The following SLC30A5 variants were observed in gnomAD, a reference collection of about 807,000 sequenced individuals.
SLC30A5 encodes solute carrier family 30 member 5.
A neutral mutation model predicts 79.6 loss-of-function variants in SLC30A5; 33 were observed. The ratio of observed to expected loss-of-function variants is 0.41; its 90% CI spans 0.31 to 0.55. The LOEUF is 0.55. Among genes scored for constraint, SLC30A5 ranks in the 20% least tolerant of loss-of-function variants. The pLI is 0.20. For synonymous variants in SLC30A5, 299 were observed against 319.7 expected (o/e 0.94, Z 0.69); for missense variants, 788 against 928.1 (o/e 0.85, Z 1.96).
At chr5:69,125,870 C>CAAAAAAAAAAAAAAAAAAAAAAA (rs532994254) in intron 14 of SLC30A5, among the ~76,000 whole-genome samples, 30 of 54,196 alleles carry the variant, frequency 5.5e-4, no homozygotes, top group Middle Eastern at 0.01. Flanking sequence ...GACTCCGTCT[C>CAAAAAAAAAAAAAAAAAAAAAAA]AAAAAAAAAA....
chr5:69,104,690 T>C lies in SLC30A5; in HGVS notation c.333T>C (p.Phe111=), dbSNP rs1221310504. 3.8e-6 allele frequency: 6 copies of C among 1,594,192 alleles called. No homozygotes were observed. The highest frequency in any genetic ancestry group is 1.7e-6 in the Non-Finnish European group (2 of 1,172,988). The part of the protein sequence containing the change: ...AGCIISLLWF[F]GLTLCGPLRT... ...GTATTATTTCACTCTTGTGGTTTTT[T>C]GGCCTCACTCTTTGTGGACCACTAA... Residue 111 remains phenylalanine, a synonymous_variant, in exon 4 of 16, where the codon TTT becomes TTC. Coordinates refer to ENST00000396591, the MANE Select transcript of SLC30A5 (RefSeq NM_022902.5).
intron 6 of SLC30A5, 35 bp from the exon 7 acceptor site, chr5:69,114,385 T>A: frequency 7.4e-7 from 1 of 1,349,822 alleles, no homozygotes; most frequent in South Asian, 1.2e-5. Context: ...AGAGTGACTT[T>A]TTGGAATTTT....
At chr5:69,103,987 G>T in intron 3 of SLC30A5, 5 of 1,566,716 alleles carry the variant, frequency 3.2e-6, no homozygotes, top group Non-Finnish European at 4.4e-6. Flanking sequence ...AAAATTCCTG[G>T]TAGAAAAGAA....
chr5:69,100,548 A>T (rs1171413282), intron 1 of SLC30A5, among the ~76,000 whole-genome samples: 1 of 150,648 alleles, frequency 6.6e-6, no homozygotes, highest in Non-Finnish European at 1.5e-5. Context: ...AGGCTGGAGG[A>T]TCGCTTGACC....
intron 4 of SLC30A5, among the ~76,000 whole-genome samples, chr5:69,106,670 G>GC (rs776509861): frequency 6.6e-6 from 1 of 152,084 alleles, no homozygotes; most frequent in East Asian, 1.9e-4. Context: ...GCATGGTGCT[G>GC]CGTGCCTGTA....
chr5:69,125,953 G>A lies in SLC30A5; in HGVS notation c.1999-2051G>A, dbSNP rs185061037. 2.8e-3 allele frequency among the ~76,000 whole-genome samples: 428 copies of A among 150,716 alleles called. 4 individuals are homozygous for A. Among genetic ancestry groups the A allele is most frequent in the African/African-American group, 0.01 (414 of 40,858 alleles). Reference sequence around the variant, plus strand: ...AATCCCAACTACCTGAGTGGCTGAAGCATGAGAATCACTTCAACCCAGGAG... The same window carrying A: ...AATCCCAACTACCTGAGTGGCTGAAACATGAGAATCACTTCAACCCAGGAG... On this transcript the variant is annotated intron_variant, in intron 14 of 15. Coordinates refer to ENST00000396591, the MANE Select transcript of SLC30A5 (RefSeq NM_022902.5).
chr5:69,094,230 A>G lies in SLC30A5; in HGVS notation c.-26A>G. The G allele has an allele frequency of 1.7e-6, 2 of 1,145,526 alleles. No individual in the cohort carries two copies. The highest frequency in any genetic ancestry group is 1.1e-6 in the Non-Finnish European group (1 of 891,890). The allele number at this position is 1,145,526 out of a possible 1,614,324, so 71.0% of individuals were successfully genotyped here. A position where few individuals can be genotyped will look rare whatever the true frequency, so the allele number is the denominator to read the frequency against. On this transcript the variant is annotated 5_prime_UTR_variant, in exon 1 of 16. Transcript: ENST00000396591. ...CATGAGGAGACCCCGCGACAGGGGC[A>G]GCGGCGGCGGCTCGTGAGCCCCGGG...
chr5:69,109,899 G>C (rs1055940866), intron 5 of SLC30A5, among the ~76,000 whole-genome samples: 2 of 152,160 alleles, frequency 1.3e-5, no homozygotes, highest in African/African-American at 4.8e-5. Flanking sequence ...GCCGCTTACA[G>C]ACCCTAAGGA....
intron 1 of SLC30A5, among the ~76,000 whole-genome samples, chr5:69,097,744 G>A (rs1256337881): frequency 1.3e-5 from 2 of 152,010 alleles, no homozygotes; most frequent in African/African-American, 2.4e-5. Context: ...TTGCTATGTT[G>A]CCCAGGTTGA....
chr5:69,123,490 A>G, intron 14 of SLC30A5, 65 bp downstream of exon 14: 1 of 1,237,842 alleles, frequency 8.1e-7, no homozygotes, highest in Non-Finnish European at 1.2e-6. Context: ...TCTTTGCTGG[A>G]AGTAAAACAG....
At chr5:69,097,327 G>A (rs1371097791) in intron 1 of SLC30A5, among the ~76,000 whole-genome samples, 2 of 152,076 alleles carry the variant, frequency 1.3e-5, no homozygotes, top group African/African-American at 4.8e-5. Flanking sequence ...GTGTTAGCCA[G>A]GATGGTCTCG....
At chr5:69,094,459 T>G in intron 1 of SLC30A5, 121 bp downstream of exon 1, 5 of 1,026,460 alleles carry the variant, frequency 4.9e-6, no homozygotes, top group Non-Finnish European at 6.2e-6. Context: ...CCTCTCCCCC[T>G]GCCTGCCTCC....
At chr5:69,125,094 GAA>G (rs1746638886) in intron 14 of SLC30A5, among the ~76,000 whole-genome samples, 1 of 152,044 alleles carries the variant, frequency 6.6e-6, no homozygotes, top group African/African-American at 2.4e-5. Context: ...TTTAAGTCAA[GAA>G]AAAGACAATC....
At position 69,117,352 on chromosome 5, in the gene SLC30A5, T is replaced by C. The variant is rs765252409; in HGVS notation, c.1395T>C (p.Ala465=). The C allele has an allele frequency of 6.2e-7, 1 of 1,614,116 alleles. No individual in the cohort carries two copies. The highest frequency in any genetic ancestry group is 8.5e-7 in the Non-Finnish European group (1 of 1,180,016). The change falls in exon 11 of 16, where the codon GCT becomes GCC. Residue 465 remains alanine, a synonymous_variant. Coordinates refer to ENST00000396591, the MANE Select transcript of SLC30A5 (RefSeq NM_022902.5). ...DCSALVMGLF[A]ALMSRWKATR... Reference sequence around the variant, plus strand: ...CTGCTTTAGTCATGGGACTTTTTGCTGCCCTGATGAGTAGGTGGAAAGCCA... The same window carrying C: ...CTGCTTTAGTCATGGGACTTTTTGCCGCCCTGATGAGTAGGTGGAAAGCCA...
Position 69,115,313 on chromosome 5 carries a change from A to T in SLC30A5, c.689A>T (p.Asp230Val), listed in dbSNP as rs1363738491. ...FHTASRKLSV[D>V]VGGAKRLQAL... ...ACAGCTTCCAGAAAGCTCTCTGTCG[A>T]CGTTGGTGGAGCTAAACGTCTTCAA... The change falls in exon 8 of 16, where the codon GAC (aspartate) becomes GTC (valine). Residue 230 changes from aspartate to valine, a missense_variant. Asp to Val is a radical substitution (Grantham distance 152). Around this residue, in one of 3 missense-constraint regions of SLC30A5, gnomAD observed 626 missense variants for 755.5 expected, o/e 0.83. Coordinates refer to ENST00000396591, the MANE Select transcript of SLC30A5 (RefSeq NM_022902.5). 1 of 1,613,916 alleles carries T rather than the reference A, an allele frequency of 6.2e-7. No homozygotes were observed. Among genetic ancestry groups the T allele is most frequent in the Non-Finnish European group, 8.5e-7 (1 of 1,179,986 alleles).
chr5:69,123,551 T>G, intron 14 of SLC30A5, 126 bp downstream of exon 14: 1 of 697,534 alleles, frequency 1.4e-6, no homozygotes, highest in Non-Finnish European at 2.4e-6. Flanking sequence ...AAATATAAAG[T>G]AGCATTTAAA....
intron 5 of SLC30A5, among the ~76,000 whole-genome samples, chr5:69,110,634 G>A (rs1420396449): frequency 7.1e-6 from 1 of 141,554 alleles, no homozygotes; most frequent in East Asian, 2.2e-4. Flanking sequence ...AGAAAATTCT[G>A]AGCATAAAAG....
intron 12 of SLC30A5, 43 bp downstream of exon 12, chr5:69,118,671 A>G (rs773610763): frequency 6.7e-7 from 1 of 1,501,710 alleles, no homozygotes; most frequent in South Asian, 1.3e-5. Flanking sequence ...AGTCATACTT[A>G]CATAGTTTTT....
intron 13 of SLC30A5, 118 bp from the exon 14 acceptor site, chr5:69,123,081 C>G: frequency 1.6e-6 from 1 of 630,188 alleles, no homozygotes; most frequent in Non-Finnish European, 2.6e-6. Context: ...TTTTGAAGTA[C>G]TAGCCAGTAG....
Sources: allele counts gnomAD v4.1 joint callset (sites outside exome capture counted in the v4.1 genomes callset), GRCh38; gene constraint gnomAD v4.1.1; regional missense constraint gnomAD v4.1.1; transcripts MANE v1.5; gene names NCBI Gene and HGNC (gene_info 2026-07-23, HGNC 2026-07-21).